The following WDR25 variants were observed in gnomAD, a reference collection of about 807,000 sequenced individuals.
The protein encoded by WDR25 is WD repeat domain 25.
A neutral mutation model predicts 47.7 loss-of-function variants in WDR25; 35 were observed. That is an observed-to-expected ratio of 0.73 (90% CI 0.56 to 0.97). The LOEUF is 0.97. Among genes scored for constraint, WDR25 ranks in the 50% least tolerant of loss-of-function variants. The probability of loss-of-function intolerance (pLI) is 0.00; values close to 1 mark genes in which losing one functional copy is unlikely to be tolerated. For missense variants in WDR25, 634 were observed against 704.7 expected (o/e 0.90, Z 1.14); for synonymous variants, 248 against 278.9 (o/e 0.89, Z 1.10).
Position 100,529,821 on chromosome 14 carries a change from T to G in WDR25, c.1415T>G (p.Val472Gly). Residue 472 changes from valine (V) to glycine (G), a missense_variant and splice_region_variant, in exon 7 of 7, where the codon GTG (valine) becomes GGG (glycine). Transcript: ENST00000402312. This position sits in a 1 kb window ranked among gnomAD's most constrained non-coding sequence, Gnocchi z 5.1. Reference protein sequence around the residue: ...SRRRRYEGHKVEGYSVGCECS... With the variant: ...SRRRRYEGHKGEGYSVGCECS... ...CACCCACTGTGTCCCTCTCTGCAGG[T>G]GGAGGGCTACTCAGTGGGCTGCGAG... is the stretch of plus-strand genomic sequence containing the variant. 10 of 1,611,174 alleles carry G rather than the reference T, an allele frequency of 6.2e-6. No homozygotes were observed. Among genetic ancestry groups the G allele is most frequent in the Non-Finnish European group, 8.5e-6 (10 of 1,179,646 alleles).
At chr14:100,469,966 C>T (rs1470723452) in intron 3 of WDR25, among the ~76,000 whole-genome samples, 1 of 152,198 alleles carries the variant, frequency 6.6e-6, no homozygotes, top group Non-Finnish European at 1.5e-5. Context: ...CAGTGCCTAC[C>T]CTGGAGAAGC....
In WDR25 at chr14:100,428,870, C is replaced by G. The variant is rs975013857; in HGVS notation, c.823-39151C>G. Among the ~76,000 whole-genome samples, 5 of 152,066 alleles carry G rather than the reference C, an allele frequency of 3.3e-5. No homozygotes were observed. The highest frequency in any genetic ancestry group is 7.4e-5 in the Non-Finnish European group (5 of 68,020). On this transcript the variant is annotated intron_variant, in intron 2 of 6. Coordinates refer to ENST00000402312, the MANE Select transcript of WDR25 (RefSeq NM_001161476.3). The surrounding 1 kb of genome is among the most constrained non-coding windows in gnomAD (Gnocchi z 4.3). ...GTTTTTCTTCTTCCATTTCATGAAG[C>G]AATATCACTCAAGCTCCTCTTGCGT...
rs1033081642 is a variant in WDR25, at chr14:100,392,710, T to A, written c.822+10964T>A. On this transcript the variant is annotated intron_variant, in intron 2 of 6. Coordinates refer to ENST00000402312, the MANE Select transcript of WDR25 (RefSeq NM_001161476.3). This position sits in a 1 kb window ranked among gnomAD's most constrained non-coding sequence, Gnocchi z 4.2. ...TCTGCGTCTTTGGAGGGCCGTCAAT[T>A]TTCACTGGTTCCATGACGCTCTATC... Among the ~76,000 whole-genome samples, 24 of 152,138 alleles carry A rather than the reference T, an allele frequency of 1.6e-4. No homozygotes were observed. The highest frequency in any genetic ancestry group is 5.6e-4 in the African/African-American group (23 of 41,422).
chr14:100,390,409 G>A lies in WDR25; in HGVS notation c.822+8663G>A, dbSNP rs879769849. 5.9e-5 allele frequency among the ~76,000 whole-genome samples: 9 copies of A among 152,014 alleles called. No homozygotes were observed. The East Asian group carries it at 1.7e-3, about 29-fold the overall frequency. On this transcript the variant is annotated intron_variant, in intron 2 of 6. Transcript: ENST00000402312. ...CCAAAAGCTGTGTGTGTGTGTGTGTGTGTGTGTGTGTGTGTGTGCATGCAC... is the reference window on the plus strand; with the variant it reads ...CCAAAAGCTGTGTGTGTGTGTGTGTATGTGTGTGTGTGTGTGTGCATGCAC...
At position 100,395,163 on chromosome 14, in the gene WDR25, C is replaced by T. The variant is rs1897230217; in HGVS notation, c.822+13417C>T. Among the ~76,000 whole-genome samples the T allele has an allele frequency of 2.0e-5, 3 of 152,302 alleles. No homozygotes were observed. The South Asian group carries it at 6.2e-4, about 32-fold the overall frequency. ...TCCTGTACTTGTGCTGGGTCAGGCACCACACAGGGGTTTACATCTCATTTG... is the reference window on the plus strand; with the variant it reads ...TCCTGTACTTGTGCTGGGTCAGGCATCACACAGGGGTTTACATCTCATTTG... On this transcript the variant is annotated intron_variant, in intron 2 of 6. Coordinates refer to ENST00000402312, the MANE Select transcript of WDR25 (RefSeq NM_001161476.3).
At chr14:100,452,253 G>A (rs7141055) in intron 2 of WDR25, among the ~76,000 whole-genome samples, 9,142 of 152,020 alleles carry the variant, frequency 0.06, 656 homozygotes, top group African/African-American at 0.18. Context: ...AGAGACATTG[G>A]GCTTCTAGTA....
At chr14:100,417,129 G>C (rs1897890394) in intron 2 of WDR25, among the ~76,000 whole-genome samples, 1 of 152,194 alleles carries the variant, frequency 6.6e-6, no homozygotes, top group Non-Finnish European at 1.5e-5. Context: ...AGCCGAGCCT[G>C]GGCCCTGCCC....
rs575737706 is a variant in WDR25, at chr14:100,395,972, G to GTTTTT, written c.822+14244_822+14248dup. 5.7e-4 allele frequency among the ~76,000 whole-genome samples: 67 copies of GTTTTT among 117,250 alleles called. 1 individual carries two copies. The highest frequency in any genetic ancestry group is 9.5e-4 in the African/African-American group (29 of 30,566). The allele number at this position is 117,250 out of a possible 152,430, so 76.9% of individuals were successfully genotyped here. ...GATGATTGTTCCACATCTGTGAAAT[G>GTTTTT]TTTTTTTTTTTTTTTTTTTTTTGAG... On this transcript the variant is annotated intron_variant, in intron 2 of 6. Coordinates refer to ENST00000402312, the MANE Select transcript of WDR25 (RefSeq NM_001161476.3).
chr14:100,433,975 C>T (rs1186535752), intron 2 of WDR25, among the ~76,000 whole-genome samples: 1 of 151,738 alleles, frequency 6.6e-6, no homozygotes, highest in Non-Finnish European at 1.5e-5. Flanking sequence ...CCTGTAATCC[C>T]AGTGTTTTGG....
At chr14:100,443,278 A>G (rs537396782) in intron 2 of WDR25, among the ~76,000 whole-genome samples, 2 of 152,342 alleles carry the variant, frequency 1.3e-5, no homozygotes, top group East Asian at 3.9e-4. Flanking sequence ...AGAAAAATTT[A>G]TGTGCCACAT....
At chr14:100,413,733 A>G (rs998959491) in intron 2 of WDR25, among the ~76,000 whole-genome samples, 2 of 152,090 alleles carry the variant, frequency 1.3e-5, no homozygotes, top group Non-Finnish European at 2.9e-5. Context: ...TTTGAATGGC[A>G]AAAACCGCAA....
chr14:100,482,746 G>A (rs1900247173), intron 3 of WDR25, among the ~76,000 whole-genome samples: 1 of 152,226 alleles, frequency 6.6e-6, no homozygotes, highest in Non-Finnish European at 1.5e-5. Flanking sequence ...TGAATTGAAT[G>A]AGCAAGTGCT....
chr14:100,479,354 T>C (rs1331635064), intron 3 of WDR25, among the ~76,000 whole-genome samples: 1 of 152,144 alleles, frequency 6.6e-6, no homozygotes, highest in Admixed American at 6.5e-5. Flanking sequence ...AGGTGGGGTT[T>C]GTCATGCTCT....
chr14:100,379,865 C>T (rs1896834066), intron 1 of WDR25, among the ~76,000 whole-genome samples: 1 of 150,822 alleles, frequency 6.6e-6, no homozygotes, highest in Non-Finnish European at 1.5e-5. Flanking sequence ...CTTCAGCCTC[C>T]CGAGTAGCTG....
intron 4 of WDR25, among the ~76,000 whole-genome samples, chr14:100,486,860 A>G (rs1333934610): frequency 6.6e-6 from 1 of 152,160 alleles, no homozygotes; most frequent in Non-Finnish European, 1.5e-5. Context: ...GTAGGGAAGG[A>G]ATGTTTTGTT....
At chr14:100,518,491 G>A (rs1221607189) in intron 4 of WDR25, among the ~76,000 whole-genome samples, 1 of 151,404 alleles carries the variant, frequency 6.6e-6, no homozygotes, top group Non-Finnish European at 1.5e-5. Context: ...CCTCTTTGTG[G>A]TTGCAGAGTC....
Position 100,381,310 on chromosome 14 carries a change from T to G in WDR25, c.386T>G (p.Leu129Arg), listed in dbSNP as rs768858165. Residue 129 changes from leucine to arginine, a missense_variant, in exon 2 of 7, where the codon CTG becomes CGG. By Grantham distance (102) the Leu-to-Arg change is moderately radical. Coordinates refer to ENST00000402312, the MANE Select transcript of WDR25 (RefSeq NM_001161476.3). ...TSHVPASHMP[L>R]AAARFKQVKL... ...CATGTTCCAGCCAGCCACATGCCCC[T>G]GGCAGCTGCCCGCTTTAAGCAAGTA... 6.2e-7 allele frequency: 1 copy of G among 1,614,224 alleles called. No individual in the cohort carries two copies. Among genetic ancestry groups the G allele is most frequent in the Non-Finnish European group, 8.5e-7 (1 of 1,180,032 alleles).
chr14:100,450,878 CAACCCCA>C (rs1899007601), intron 2 of WDR25, among the ~76,000 whole-genome samples: 1 of 152,164 alleles, frequency 6.6e-6, no homozygotes, highest in Non-Finnish European at 1.5e-5. Context: ...ATGTGACATG[CAACCCCA>C]AAAGCACTTC....
In WDR25 at chr14:100,404,938, T is replaced by G. The variant is rs1352848332; in HGVS notation, c.822+23192T>G. On this transcript the variant is annotated intron_variant, in intron 2 of 6. Coordinates refer to ENST00000402312, the MANE Select transcript of WDR25 (RefSeq NM_001161476.3). This position sits in a 1 kb window ranked among gnomAD's most constrained non-coding sequence, Gnocchi z 4.6. ...GTGTTTGGGCCCTTCCTCTTAACCC[T>G]CCTACCTTGTGTCCCCATGCTAGTT... 2.6e-5 allele frequency among the ~76,000 whole-genome samples: 4 copies of G among 152,096 alleles called. No individual in the cohort carries two copies. The highest frequency in any genetic ancestry group is 1.3e-4 in the Admixed American group (2 of 15,274).
Sources: gnomAD v4.1 joint callset for allele counts (sites outside exome capture counted in the v4.1 genomes callset) on GRCh38, gnomAD v4.1.1 for gene constraint, Gnocchi (gnomAD v3.1) non-coding constraint, MANE v1.5 for transcripts, NCBI Gene and HGNC (gene_info 2026-07-23, HGNC 2026-07-21) for gene names.